The following TMEM245 variants were observed in gnomAD, a reference collection of about 807,000 sequenced individuals.
TMEM245 encodes the protein protein CG-2.
A neutral mutation model predicts 101.2 loss-of-function variants in TMEM245; 69 were observed. That is an observed-to-expected ratio of 0.68 (90% CI 0.56 to 0.83). The LOEUF (loss-of-function observed/expected upper bound fraction) is 0.83, where lower values mean the gene tolerates loss of function less well. Among genes scored for constraint, TMEM245 ranks in the 40% least tolerant of loss-of-function variants. The pLI is 0.00. For synonymous variants in TMEM245, 537 were observed against 449.8 expected, an observed-to-expected ratio of 1.19 and a Z score of -2.45; for missense variants, 1,075 against 1,092.8, an observed-to-expected ratio of 0.98 and a Z score of 0.23.
chr9:109,034,618 T>G (rs1828063773), intron 16 of TMEM245, among the ~76,000 whole-genome samples: 1 of 151,764 alleles, frequency 6.6e-6, no homozygotes, highest in Non-Finnish European at 1.5e-5. Context: ...AACTAATCTT[T>G]ATATTTTTGT....
chr9:109,117,582 C>T (rs978605663), intron 1 of TMEM245, among the ~76,000 whole-genome samples: 2 of 152,100 alleles, frequency 1.3e-5, no homozygotes, highest in Non-Finnish European at 2.9e-5. Flanking sequence ...AGGTATACGC[C>T]GAGCTGTGGA....
chr9:109,057,018 C>T (rs1828858517), intron 12 of TMEM245, among the ~76,000 whole-genome samples, 173 bp downstream of exon 12: 1 of 152,114 alleles, frequency 6.6e-6, no homozygotes, highest in Non-Finnish European at 1.5e-5. Context: ...GGGAGTGACA[C>T]CTGAAGCCTA....
At chr9:109,101,581 T>C (rs978827460) in intron 3 of TMEM245, among the ~76,000 whole-genome samples, 2 of 152,222 alleles carry the variant, frequency 1.3e-5, no homozygotes, top group Non-Finnish European at 2.9e-5. Flanking sequence ...ATGAGGATTA[T>C]TTAGACTAGA....
At chr9:109,045,872 G>C (rs513852) in intron 14 of TMEM245, among the ~76,000 whole-genome samples, 69,879 of 151,944 alleles carry the variant, frequency 0.46, 16,389 homozygotes, top group South Asian at 0.61. Context: ...CCAGTGTTGG[G>C]AGAGATTTCT....
At chr9:109,084,416 T>C (rs547486306) in intron 7 of TMEM245, among the ~76,000 whole-genome samples, 1 of 152,360 alleles carries the variant, frequency 6.6e-6, no homozygotes, top group African/African-American at 2.4e-5. Context: ...CTTAGAGATC[T>C]TTTAAAATTA....
rs1280959770 is a variant in TMEM245, at chr9:109,033,352, G to C, written c.2549C>G (p.Ser850Ter). 6.2e-7 allele frequency: 1 copy of C among 1,613,780 alleles called. No individual in the cohort carries two copies. Among genetic ancestry groups the C allele is most frequent in the Admixed American group, 1.7e-5 (1 of 59,966 alleles). The change falls in exon 17 of 18, where the codon TCA becomes TGA. Residue 850 changes from serine to a stop codon, truncating the protein, a stop_gained. Transcript: ENST00000374586. LOFTEE classifies it high-confidence loss of function. ...TGGGGTCTGGTTTGGCGTGGGAACT[G>C]AATTCGTGGGACTCACTAGCATGGC... ...YSAMLVSPTNSVPTPNQTPWP... is the reference protein window; with the variant it reads ...YSAMLVSPTN
chr9:109,024,339 C>G (rs1827731923), intron 17 of TMEM245, among the ~76,000 whole-genome samples: 1 of 152,224 alleles, frequency 6.6e-6, no homozygotes, highest in Non-Finnish European at 1.5e-5. Context: ...GTCCCATCGT[C>G]TTTTATCAGC....
intron 8 of TMEM245, among the ~76,000 whole-genome samples, chr9:109,079,385 G>A (rs1829605210): frequency 6.6e-6 from 1 of 151,830 alleles, no homozygotes; most frequent in Non-Finnish European, 1.5e-5. Context: ...TGAGCAAGCA[G>A]AAGAATGGAG....
At position 109,019,000 on chromosome 9, in the gene TMEM245, C is replaced by G. The variant is rs1425384795; in HGVS notation, c.*1460G>C. 1 of 150,962 alleles carries G rather than the reference C, an allele frequency of 6.6e-6. No individual in the cohort carries two copies. Among genetic ancestry groups the G allele is most frequent in the African/African-American group, 2.5e-5 (1 of 40,688 alleles). The allele number at this position is 150,962 out of a possible 1,614,324, so 9.4% of individuals were successfully genotyped here. A position where few individuals can be genotyped will look rare whatever the true frequency, so the allele number is the denominator to read the frequency against. Reference sequence around the variant, plus strand: ...GCTCAAGCAATCCACCCACCTCAGCCTTCCAAAGTGCTGGGATTACAGATG... The same window carrying G: ...GCTCAAGCAATCCACCCACCTCAGCGTTCCAAAGTGCTGGGATTACAGATG... On this transcript the variant is annotated 3_prime_UTR_variant, in exon 18 of 18. Coordinates refer to ENST00000374586, the MANE Select transcript of TMEM245 (RefSeq NM_032012.4).
At chr9:109,053,371 G>A (rs983181859) in intron 12 of TMEM245, among the ~76,000 whole-genome samples, 5 of 152,100 alleles carry the variant, frequency 3.3e-5, no homozygotes, top group Non-Finnish European at 2.9e-5. Flanking sequence ...AGGTTGCAGT[G>A]AGCTGGGATC....
At chr9:109,048,849 A>C (rs2132381649) in intron 14 of TMEM245, among the ~76,000 whole-genome samples, 1 of 152,368 alleles carries the variant, frequency 6.6e-6, no homozygotes, top group African/African-American at 2.4e-5. Context: ...CAGAAGTCAT[A>C]ACGAAAAAGT....
intron 17 of TMEM245, among the ~76,000 whole-genome samples, chr9:109,022,393 C>T (rs1440201963): frequency 6.6e-6 from 1 of 152,098 alleles, no homozygotes; most frequent in Non-Finnish European, 1.5e-5. Flanking sequence ...AATTTTCTTT[C>T]CTTAAAGACT....
chr9:109,064,506 G>A lies in TMEM245; in HGVS notation c.1594C>T (p.Gln532Ter), dbSNP rs1423047534. ...TGAGTTATCCATTCTCGTCCATACT[G>A]ATACACGTTGTTAGCCGCAGAATTC... is the stretch of plus-strand genomic sequence containing the variant. ...ALNSAANNVY[Q>*]YGREWITHKL... The change falls in exon 10 of 18, where the codon CAG becomes TAG. Residue 532 changes from glutamine to a stop codon, truncating the protein, a stop_gained. Coordinates refer to ENST00000374586, the MANE Select transcript of TMEM245 (RefSeq NM_032012.4). LOFTEE classifies it high-confidence loss of function. The A allele has an allele frequency of 8.1e-6, 13 of 1,613,810 alleles. No homozygotes were observed. Among genetic ancestry groups the A allele is most frequent in the African/African-American group, 2.7e-5 (2 of 74,928 alleles).
At chr9:109,083,512 C>T (rs531569598) in intron 7 of TMEM245, among the ~76,000 whole-genome samples, 216 of 152,186 alleles carry the variant, frequency 1.4e-3, no homozygotes, top group Middle Eastern at 3.4e-3. Context: ...TTTAAAATGA[C>T]ATTCCGAATG....
chr9:109,033,609 C>T, intron 16 of TMEM245, 108 bp from the exon 17 acceptor site: 2 of 1,121,234 alleles, frequency 1.8e-6, no homozygotes, highest in East Asian at 2.6e-5. Context: ...AGCATATTAT[C>T]AGCTTTCTTT....
intron 4 of TMEM245, among the ~76,000 whole-genome samples, chr9:109,092,854 C>T (rs1242841854): frequency 6.6e-6 from 1 of 152,122 alleles, no homozygotes; most frequent in African/African-American, 2.4e-5. Flanking sequence ...AAAGCCAGGC[C>T]ACACAGGACA....
At chr9:109,108,716 C>T in intron 1 of TMEM245, 146 bp from the exon 2 acceptor site, 1 of 506,546 alleles carries the variant, frequency 2.0e-6, no homozygotes, top group Non-Finnish European at 3.4e-6. Context: ...AAGAAACGTA[C>T]CTAGGTTCTC....
chr9:109,053,294 G>C (rs894340352), intron 12 of TMEM245, among the ~76,000 whole-genome samples: 1 of 152,140 alleles, frequency 6.6e-6, no homozygotes, highest in African/African-American at 2.4e-5. Flanking sequence ...GAATGTGGTG[G>C]TGCATGCCTG....
intron 3 of TMEM245, among the ~76,000 whole-genome samples, chr9:109,104,954 A>G (rs1830371475): frequency 6.6e-6 from 1 of 152,226 alleles, no homozygotes; most frequent in Non-Finnish European, 1.5e-5. Flanking sequence ...TGGATTTGGC[A>G]ATTGTTTGTC....
Sources: allele counts gnomAD v4.1 joint callset (sites outside exome capture counted in the v4.1 genomes callset), GRCh38; gene constraint gnomAD v4.1.1; transcripts MANE v1.5; gene names NCBI Gene and HGNC (gene_info 2026-07-23, HGNC 2026-07-21).